The following NELL1 variants were observed in gnomAD, a reference collection of about 807,000 sequenced individuals.
The protein encoded by NELL1 is neural EGFL like 1.
A neutral mutation model predicts 107.4 loss-of-function variants in NELL1; 76 were observed. That is an observed-to-expected ratio of 0.71 (90% CI 0.59 to 0.86). The LOEUF (loss-of-function observed/expected upper bound fraction) is 0.86, where lower values mean the gene tolerates loss of function less well. NELL1 is among the 40% of genes least tolerant of loss of function. NELL1 has a pLI of 0.00. For missense variants in NELL1, 1,024 were observed against 1,005.5 expected (o/e 1.02, Z -0.25); for synonymous variants, 353 against 341.2 (o/e 1.03, Z -0.38).
At chr11:20,965,883 A>G (rs1242539809) in intron 12 of NELL1, among the ~76,000 whole-genome samples, 5 of 152,214 alleles carry the variant, frequency 3.3e-5, no homozygotes, top group Admixed American at 6.5e-5. Flanking sequence ...GCACTTCTAT[A>G]GAAACAAGAT....
chr11:21,550,067 G>C (rs1280586191), intron 16 of NELL1, among the ~76,000 whole-genome samples: 2 of 151,782 alleles, frequency 1.3e-5, no homozygotes, highest in Non-Finnish European at 2.9e-5. Flanking sequence ...ACAGAGACTA[G>C]GAGAGGGGTC....
intron 15 of NELL1, among the ~76,000 whole-genome samples, chr11:21,507,324 T>C (rs1468592731): frequency 6.6e-6 from 1 of 152,246 alleles, no homozygotes; most frequent in Non-Finnish European, 1.5e-5. Flanking sequence ...TAAGTGACTT[T>C]AAGGTTTTAG....
At chr11:20,706,527 G>T (rs11517569) in intron 2 of NELL1, among the ~76,000 whole-genome samples, 1 of 134,314 alleles carries the variant, frequency 7.4e-6, no homozygotes, top group South Asian at 2.7e-4. Flanking sequence ...GTGGGGTTGG[G>T]GGGGAGGGGG....
At chr11:21,366,533 C>G (rs1231106363) in intron 14 of NELL1, among the ~76,000 whole-genome samples, 1 of 152,020 alleles carries the variant, frequency 6.6e-6, no homozygotes, top group Non-Finnish European at 1.5e-5. Flanking sequence ...CAAAATAAAG[C>G]TGGAAATGCA....
intron 15 of NELL1, among the ~76,000 whole-genome samples, chr11:21,421,212 C>G (rs1394127865): frequency 6.6e-6 from 1 of 152,074 alleles, no homozygotes; most frequent in Non-Finnish European, 1.5e-5. Flanking sequence ...TAGGTAGCAC[C>G]AGGAATCTGC....
chr11:20,731,258 A>C (rs913283160), intron 2 of NELL1, among the ~76,000 whole-genome samples: 7 of 152,226 alleles, frequency 4.6e-5, no homozygotes, highest in Non-Finnish European at 8.8e-5. Flanking sequence ...ACAAGCTGCA[A>C]GGCTTTAGTG....
intron 14 of NELL1, among the ~76,000 whole-genome samples, chr11:21,323,796 A>G (rs1565167825): frequency 2.0e-5 from 3 of 152,152 alleles, no homozygotes; most frequent in Non-Finnish European, 4.4e-5. Flanking sequence ...CCAGTGACAT[A>G]CAGGTTCCAC....
chr11:21,279,732 G>A (rs750868823), intron 14 of NELL1, among the ~76,000 whole-genome samples: 2 of 152,182 alleles, frequency 1.3e-5, no homozygotes, highest in South Asian at 4.1e-4. Flanking sequence ...TTCCAAATGA[G>A]TTGTAAACTC....
chr11:21,530,445 C>T (rs981705140), intron 15 of NELL1, among the ~76,000 whole-genome samples: 1 of 152,020 alleles, frequency 6.6e-6, no homozygotes, highest in African/African-American at 2.4e-5. Flanking sequence ...TCACCATATG[C>T]CCCAAAAGGA....
At chr11:21,560,671 T>C (rs11026133) in intron 17 of NELL1, among the ~76,000 whole-genome samples, 130,902 of 152,048 alleles carry the variant, frequency 0.86, 56,916 homozygotes, top group Non-Finnish European at 0.93. Flanking sequence ...CCTACAGTGC[T>C]TTTAAGGTTG....
At chr11:20,961,220 G>A (rs1488185156) in intron 12 of NELL1, among the ~76,000 whole-genome samples, 2 of 152,254 alleles carry the variant, frequency 1.3e-5, no homozygotes, top group Admixed American at 6.5e-5. Flanking sequence ...GCTTAGTACT[G>A]CAACCTGCTA....
At chr11:21,352,575 T>G (rs960348235) in intron 14 of NELL1, among the ~76,000 whole-genome samples, 2 of 152,142 alleles carry the variant, frequency 1.3e-5, no homozygotes, top group Non-Finnish European at 2.9e-5. Context: ...TGCAGTGGGG[T>G]CTGATATTAA....
chr11:21,477,990 T>G (rs1854392660), intron 15 of NELL1, among the ~76,000 whole-genome samples: 1 of 151,880 alleles, frequency 6.6e-6, no homozygotes, highest in Non-Finnish European at 1.5e-5. Context: ...TATTAGTCCA[T>G]TTTCACACTG....
intron 16 of NELL1, among the ~76,000 whole-genome samples, chr11:21,553,005 C>T (rs556872489): frequency 3.3e-5 from 5 of 151,960 alleles, no homozygotes; most frequent in Admixed American, 6.6e-5. Context: ...ATCTGACCCT[C>T]CTTTGTTTAC....
At chr11:20,917,480 C>T (rs1459663054) in intron 5 of NELL1, among the ~76,000 whole-genome samples, 1 of 151,912 alleles carries the variant, frequency 6.6e-6, no homozygotes, top group Non-Finnish European at 1.5e-5. Flanking sequence ...TCTGAACCAG[C>T]TTCTACATCT....
chr11:21,327,139 A>C (rs1454531084), intron 14 of NELL1, among the ~76,000 whole-genome samples: 1 of 126,758 alleles, frequency 7.9e-6, no homozygotes, highest in Non-Finnish European at 1.6e-5. Context: ...TTCTTGTGAC[A>C]GTGAGTTCTC....
chr11:21,117,356 T>C (rs1590652813), intron 13 of NELL1, among the ~76,000 whole-genome samples: 1 of 151,986 alleles, frequency 6.6e-6, no homozygotes, highest in Non-Finnish European at 1.5e-5. Flanking sequence ...GCAGGGGCCT[T>C]TTTCCTTTTG....
At chr11:21,390,300 C>G (rs1851839725) in intron 15 of NELL1, among the ~76,000 whole-genome samples, 1 of 151,152 alleles carries the variant, frequency 6.6e-6, no homozygotes, top group Non-Finnish European at 1.5e-5. Context: ...ATAAGATTGG[C>G]TATAGCTCCT....
At chr11:20,718,862 T>A (rs550079953) in intron 2 of NELL1, among the ~76,000 whole-genome samples, 1 of 152,296 alleles carries the variant, frequency 6.6e-6, no homozygotes, top group East Asian at 1.9e-4. Context: ...TCATTCCATA[T>A]AGGCTGGATT....
Sources: allele counts gnomAD v4.1 joint callset (sites outside exome capture counted in the v4.1 genomes callset), GRCh38; gene constraint gnomAD v4.1.1; transcripts MANE v1.5; gene names NCBI Gene and HGNC (gene_info 2026-07-23, HGNC 2026-07-21).